The following GARIN5B variants were observed in gnomAD, a reference collection of about 807,000 sequenced individuals.
The protein encoded by GARIN5B is golgi associated RAB2 interactor family member 5B.
At chr19:55,359,611 G>T in the GARIN5B span, 15,580 of 1,551,350 alleles carry the variant, frequency 0.01, 1,325 homozygotes, top group African/African-American at 0.19. Context: ...GGAGCTTCTG[G>T]GACTGGTCAA....
chr19:55,357,306 T>C, the GARIN5B span, among the ~76,000 whole-genome samples: 1 of 152,172 alleles, frequency 6.6e-6, no homozygotes, highest in Admixed American at 6.5e-5. Context: ...TCCATCATTC[T>C]TCTGCTCCAA....
the GARIN5B span, chr19:55,355,106 A>T: frequency 5.2e-6 from 2 of 384,886 alleles, no homozygotes; most frequent in Non-Finnish European, 9.9e-6. Context: ...CTGTGGGGTT[A>T]AGAGGAAAGA....
chr19:55,360,994 G>A, the GARIN5B span: 37 of 1,549,814 alleles, frequency 2.4e-5, no homozygotes, highest in Admixed American at 7.8e-5. Flanking sequence ...AAGACCCCAC[G>A]CCCACTTCTT....
the GARIN5B span, chr19:55,359,876 G>A: frequency 6.4e-7 from 1 of 1,551,522 alleles, no homozygotes; most frequent in Non-Finnish European, 8.7e-7. Flanking sequence ...GGAGCTGCAG[G>A]AGCCCAGAAA....
At chr19:55,358,666 CATT>C in the GARIN5B span, 1 of 1,551,448 alleles carries the variant, frequency 6.4e-7, no homozygotes, top group Admixed American at 2.0e-5. Flanking sequence ...CTGAAGCCAT[CATT>C]GACGTGGCCG....
the GARIN5B span, chr19:55,358,051 CAA>C: frequency 6.5e-3 from 7,182 of 1,097,548 alleles, no homozygotes; most frequent in South Asian, 0.013. Flanking sequence ...GAGACCCTGT[CAA>C]AAAAAAAAAA....
At chr19:55,362,148 G>A in the GARIN5B span, 194 of 1,417,766 alleles carry the variant, frequency 1.4e-4, 2 homozygotes, top group South Asian at 1.1e-3. Context: ...CCAGGCCCCC[G>A]GCCTAGACTT....
At chr19:55,360,422 C>T in the GARIN5B span, among the ~76,000 whole-genome samples, 2 of 147,754 alleles carry the variant, frequency 1.4e-5, no homozygotes, top group African/African-American at 5.0e-5. Context: ...GGCCCCAGCT[C>T]CTCCTCCCTC....
At chr19:55,362,463 G>C in the GARIN5B span, 2 of 1,549,728 alleles carry the variant, frequency 1.3e-6, no homozygotes, top group South Asian at 2.4e-5. Context: ...CAGGCAGAGA[G>C]GTCATGGACG....
At chr19:55,354,975 C>A in the GARIN5B span, 1 of 173,884 alleles carries the variant, frequency 5.8e-6, no homozygotes, top group Non-Finnish European at 1.2e-5. Context: ...CCCGCCCCCC[C>A]CCGCCCCCCA....
the GARIN5B span, chr19:55,359,310 C>CTTCTTTGGAGCAGTGG: frequency 6.5e-7 from 1 of 1,546,992 alleles, no homozygotes; most frequent in Non-Finnish European, 8.7e-7. Flanking sequence ...GTGGGGGACA[C>CTTCTTTGGAGCAGTGG]AGCCTTCTGG....
At chr19:55,363,115 T>C in the GARIN5B span, 1 of 1,429,086 alleles carries the variant, frequency 7.0e-7, no homozygotes, top group Non-Finnish European at 9.2e-7. The surrounding 1 kb of genome is among the most constrained non-coding windows in gnomAD (Gnocchi z 4.0). Flanking sequence ...AACCCAGGCG[T>C]GCAGGCCTCC....
the GARIN5B span, chr19:55,358,587 A>C: frequency 6.4e-7 from 1 of 1,550,854 alleles, no homozygotes; most frequent in Non-Finnish European, 8.7e-7. Flanking sequence ...CAGGTGTGCG[A>C]CTCTGGCTGC....
the GARIN5B span, chr19:55,358,174 C>T: frequency 6.6e-7 from 1 of 1,516,924 alleles, no homozygotes; most frequent in Non-Finnish European, 8.9e-7. Flanking sequence ...CGCCCGATTC[C>T]TCCTGTATCT....
At chr19:55,362,455 G>A in the GARIN5B span, 1 of 1,550,084 alleles carries the variant, frequency 6.5e-7, no homozygotes, top group Non-Finnish European at 8.7e-7. Flanking sequence ...TCAGGCGCCA[G>A]GCAGAGAGGT....
At chr19:55,359,399 C>T in the GARIN5B span, 47 of 1,548,936 alleles carry the variant, frequency 3.0e-5, no homozygotes, top group Non-Finnish European at 4.0e-5. Context: ...TGAGGCCTTT[C>T]GGGGAGAAGC....
the GARIN5B span, chr19:55,362,998 CA>C: frequency 1.4e-5 from 21 of 1,486,950 alleles, 1 homozygote; most frequent in Admixed American, 2.8e-5. Context: ...GCAGCTCCCC[CA>C]GAACAGGGAC....
chr19:55,357,841 G>A, the GARIN5B span, among the ~76,000 whole-genome samples: 14 of 152,122 alleles, frequency 9.2e-5, no homozygotes, highest in Non-Finnish European at 1.8e-4. Context: ...ATCACTTGAG[G>A]TCAGGAGTTC....
the GARIN5B span, chr19:55,360,709 G>T: frequency 1.9e-6 from 3 of 1,551,642 alleles, no homozygotes; most frequent in South Asian, 2.4e-5. Flanking sequence ...AGAGGACTGT[G>T]TCTGGTTGGC....
Sources: allele counts gnomAD v4.1 joint callset (sites outside exome capture counted in the v4.1 genomes callset), GRCh38; gene constraint gnomAD v4.1.1; non-coding constraint Gnocchi (gnomAD v3.1); transcripts MANE v1.5; gene names NCBI Gene and HGNC (gene_info 2026-07-23, HGNC 2026-07-21).